Variants in MAPKAPK2 observed in about 807,000 individuals in gnomAD.
MAPKAPK2 encodes MAP kinase-activated protein kinase 2.
In MAPKAPK2, 9 loss-of-function variants were observed where a neutral mutation model predicts 48.8. The observed-to-expected ratio is 0.18, with a 90% CI of 0.11 to 0.32. The LOEUF (loss-of-function observed/expected upper bound fraction) is 0.32, where lower values mean the gene tolerates loss of function less well. MAPKAPK2 is among the 10% of genes least tolerant of loss of function. The pLI is 1.00. For missense variants in MAPKAPK2, 331 were observed against 498.3 expected (o/e 0.66, Z 3.20); for synonymous variants, 202 against 190.6 (o/e 1.06, Z -0.49).
chr1:206,705,529 A>G (rs550564082), intron 1 of MAPKAPK2, among the ~76,000 whole-genome samples: 2 of 152,270 alleles, frequency 1.3e-5, no homozygotes, highest in South Asian at 4.1e-4. Context: ...GGGGAACAAG[A>G]TTTAGCTCCC....
chr1:206,718,214 A>G (rs1005733240), intron 1 of MAPKAPK2, among the ~76,000 whole-genome samples: 4 of 152,232 alleles, frequency 2.6e-5, no homozygotes, highest in Admixed American at 2.0e-4. Context: ...TACTTAAGTA[A>G]GGTGGAAGCA....
chr1:206,715,266 C>T (rs782106581), intron 1 of MAPKAPK2, among the ~76,000 whole-genome samples: 1 of 152,210 alleles, frequency 6.6e-6, no homozygotes, highest in Non-Finnish European at 1.5e-5. Flanking sequence ...GCCACTTCCT[C>T]CCTGGTTCTT....
chr1:206,715,617 TTTTC>T (rs1334473935), intron 1 of MAPKAPK2, among the ~76,000 whole-genome samples: 50 of 149,730 alleles, frequency 3.3e-4, no homozygotes, highest in African/African-American at 3.9e-4. Context: ...TTTTTTTTCT[TTTTC>T]TTTCTTTCTT....
At chr1:206,691,804 T>C (rs1553426337) in intron 1 of MAPKAPK2, among the ~76,000 whole-genome samples, 1 of 152,000 alleles carries the variant, frequency 6.6e-6, no homozygotes, top group East Asian at 1.9e-4. Flanking sequence ...CCATCAGCAG[T>C]ATCTGGGTCA....
intron 2 of MAPKAPK2, 40 bp downstream of exon 2, chr1:206,728,889 C>T: frequency 6.2e-7 from 1 of 1,612,194 alleles, no homozygotes; most frequent in Non-Finnish European, 8.5e-7. Flanking sequence ...AGCCTGTTCC[C>T]ACTCCTCACT....
rs1435054310 is a variant in MAPKAPK2 at position 206,712,969 on chromosome 1, C to CACACACAA, written c.280-15734_280-15733insAACACACA. Among the ~76,000 whole-genome samples the CACACACAA allele has an allele frequency of 1.6e-3, 243 of 148,452 alleles. 1 individual carries two copies. The highest frequency in any genetic ancestry group is 7.4e-3 in the Admixed American group (111 of 14,958). ...CGACAGAATGAGACTCCATCACACA[C>CACACACAA]ACACACACACACACACACACACACA... On this transcript the variant is annotated intron_variant, in intron 1 of 9. Coordinates refer to ENST00000367103, the MANE Select transcript of MAPKAPK2 (RefSeq NM_032960.4).
intron 1 of MAPKAPK2, among the ~76,000 whole-genome samples, chr1:206,722,169 G>T (rs1673540873): frequency 6.6e-6 from 1 of 151,904 alleles, no homozygotes; most frequent in African/African-American, 2.4e-5. Flanking sequence ...GACCATCCTG[G>T]CTAACACGGT....
rs782036969 is a variant in MAPKAPK2 at position 206,685,296 on chromosome 1, C to T, written c.67C>T (p.Pro23Ser). The T allele has an allele frequency of 1.2e-5, 5 of 405,420 alleles. No individual in the cohort carries two copies. The South Asian group carries it at 1.9e-4, about 15-fold the overall frequency. 25.1% of individuals were successfully genotyped at this position (405,420 alleles called of 1,614,324 possible). A position where few individuals can be genotyped will look rare whatever the true frequency, so the allele number is the denominator to read the frequency against. The stretch of plus-strand genomic sequence containing the variant: ...CCCCGCCCCGGCCCCGCCGCCGCAG[C>T]CCCCCACCCCTGCCCTGCCGCACCC... ...PFPAPAPPPQ[P>S]PTPALPHPPA... The change falls in exon 1 of 10, where the codon CCC becomes TCC. Residue 23 changes from proline to serine, a missense_variant. By Grantham distance (74) the Pro-to-Ser change is moderately conservative. Transcript: ENST00000367103.
chr1:206,694,107 C>T (rs968892456), intron 1 of MAPKAPK2, among the ~76,000 whole-genome samples: 10 of 152,230 alleles, frequency 6.6e-5, no homozygotes, highest in Non-Finnish European at 1.5e-4. Context: ...CAGAGTCTGA[C>T]ATTGGCATTC....
At chr1:206,716,802 A>G (rs1019426857) in intron 1 of MAPKAPK2, among the ~76,000 whole-genome samples, 3 of 151,954 alleles carry the variant, frequency 2.0e-5, no homozygotes, top group Non-Finnish European at 4.4e-5. Context: ...TAAAGTAGAT[A>G]CTAGATACCT....
intron 1 of MAPKAPK2, among the ~76,000 whole-genome samples, chr1:206,714,764 C>A (rs371582023): frequency 0.014 from 1,614 of 115,424 alleles, no homozygotes; most frequent in African/African-American, 0.02. Flanking sequence ...AACTCGGTCA[C>A]AAAAAAAAAA....
intron 1 of MAPKAPK2, among the ~76,000 whole-genome samples, chr1:206,718,769 C>T (rs1372362223): frequency 6.6e-6 from 1 of 152,044 alleles, no homozygotes; most frequent in Non-Finnish European, 1.5e-5. Context: ...GTTTTTTTGC[C>T]ATTAAAATGC....
rs1383311123 is a variant in MAPKAPK2 at position 206,731,392 on chromosome 1, GC to G, written c.892+133del. 2 of 1,492,224 alleles carry G rather than the reference GC, an allele frequency of 1.3e-6. No individual in the cohort carries two copies. The highest frequency in any genetic ancestry group is 1.8e-6 in the Non-Finnish European group (2 of 1,107,104). The allele number at this position is 1,492,224 out of a possible 1,614,324, so 92.4% of individuals were successfully genotyped here. A position where few individuals can be genotyped will look rare whatever the true frequency, so the allele number is the denominator to read the frequency against. ...GGTGTAACTGTGGGTTAGCACCTAT[GC>G]CCACGCCTGCGGGGTGCGTCCTGCT... On this transcript the variant is annotated intron_variant, in intron 7 of 9. Transcript: ENST00000367103. The surrounding 1 kb of genome is among the most constrained non-coding windows in gnomAD (Gnocchi z 5.9).
intron 1 of MAPKAPK2, 124 bp from the exon 2 acceptor site, chr1:206,728,586 G>A (rs1392920154): frequency 9.4e-7 from 1 of 1,060,690 alleles, no homozygotes; most frequent in South Asian, 1.6e-5. Flanking sequence ...GGGGGCTGGT[G>A]GGGGGGGCCA....
In MAPKAPK2 at chr1:206,731,008, C is replaced by A; in HGVS notation, c.768-130C>A. 7.7e-7 allele frequency: 1 copy of A among 1,304,552 alleles called. No homozygotes were observed. The highest frequency in any genetic ancestry group is 1.1e-6 in the Non-Finnish European group (1 of 913,718). The allele number at this position is 1,304,552 out of a possible 1,614,324, so 80.8% of individuals were successfully genotyped here. A position where few individuals can be genotyped will look rare whatever the true frequency, so the allele number is the denominator to read the frequency against. ...CCGGGCTTGACTTTGTATATTGTGC[C>A]TGTGTCAATAAGCCCTGATTTCTCT... On this transcript the variant is annotated intron_variant, in intron 6 of 9. Coordinates refer to ENST00000367103, the MANE Select transcript of MAPKAPK2 (RefSeq NM_032960.4). The surrounding 1 kb of genome is among the most constrained non-coding windows in gnomAD (Gnocchi z 5.9).
Position 206,733,324 on chromosome 1 carries a change from G to A in MAPKAPK2, c.*606G>A, listed in dbSNP as rs1673997759. 1 of 152,712 alleles carries A rather than the reference G, an allele frequency of 6.5e-6. No homozygotes were observed. The highest frequency in any genetic ancestry group is 2.1e-4 in the South Asian group (1 of 4,840). The allele number at this position is 152,712 out of a possible 1,614,324, so 9.5% of individuals were successfully genotyped here. A position where few individuals can be genotyped will look rare whatever the true frequency, so the allele number is the denominator to read the frequency against. On this transcript the variant is annotated 3_prime_UTR_variant, in exon 10 of 10. Coordinates refer to ENST00000367103, the MANE Select transcript of MAPKAPK2 (RefSeq NM_032960.4). ...TGTGTGTGCACACGTGTGTATGAGT[G>A]CGCAGATCTGTGCCTGGGATCGTGC... is the stretch of plus-strand genomic sequence containing the variant.
intron 1 of MAPKAPK2, among the ~76,000 whole-genome samples, chr1:206,713,808 G>C (rs1673233887): frequency 6.6e-6 from 1 of 152,212 alleles, no homozygotes; most frequent in Non-Finnish European, 1.5e-5. Flanking sequence ...GGAGTTTGCA[G>C]TGAGCTGAAA....
chr1:206,687,070 T>C (rs1553425703), intron 1 of MAPKAPK2, among the ~76,000 whole-genome samples: 1 of 152,202 alleles, frequency 6.6e-6, no homozygotes, highest in Non-Finnish European at 1.5e-5. Flanking sequence ...AGTTAACCTG[T>C]ATCATTGAGG....
chr1:206,708,516 A>AT (rs1252890419), intron 1 of MAPKAPK2, among the ~76,000 whole-genome samples: 2 of 152,170 alleles, frequency 1.3e-5, no homozygotes, highest in East Asian at 3.9e-4. Context: ...TTGGGGATGC[A>AT]TTTTGTAGTA....
Sources: allele counts gnomAD v4.1 joint callset (sites outside exome capture counted in the v4.1 genomes callset), GRCh38; gene constraint gnomAD v4.1.1; non-coding constraint Gnocchi (gnomAD v3.1); transcripts MANE v1.5; gene names NCBI Gene and HGNC (gene_info 2026-07-23, HGNC 2026-07-21).